Variants in MFAP3L observed in about 807,000 individuals in gnomAD.
MFAP3L encodes microfibrillar-associated protein 3-like.
Under a neutral mutation model 20.0 loss-of-function variants are expected in MFAP3L, and 5 were observed. That is an observed-to-expected ratio of 0.25 (90% CI 0.13 to 0.53). MFAP3L has a LOEUF of 0.53. Ranked by LOEUF, MFAP3L falls within the 20% of genes least tolerant of loss-of-function variation. The pLI is 0.96. For missense variants in MFAP3L, 409 were observed against 527.5 expected (o/e 0.78, Z 2.20); for synonymous variants, 219 against 213.0 (o/e 1.03, Z -0.25).
At chr4:169,998,519 A>ACCTTAAATCTTT (rs1178306289) in intron 2 of MFAP3L, among the ~76,000 whole-genome samples, 3 of 152,310 alleles carry the variant, frequency 2.0e-5, no homozygotes, top group African/African-American at 7.2e-5. Flanking sequence ...TTCTACTGAA[A>ACCTTAAATCTTT]CCTTAAATCT....
chr4:170,014,481 G>A (rs546027076), intron 1 of MFAP3L, among the ~76,000 whole-genome samples: 22 of 152,272 alleles, frequency 1.4e-4, no homozygotes, highest in African/African-American at 4.8e-4. Context: ...AAGATGCCAT[G>A]TATCAGGGAG....
Position 170,012,696 on chromosome 4 carries a change from A to G in MFAP3L, c.-133-6686T>C, listed in dbSNP as rs139912864. On this transcript the variant is annotated intron_variant, in intron 1 of 2. Coordinates refer to ENST00000361618, the MANE Select transcript of MFAP3L (RefSeq NM_021647.8). ...GAAGAATTAGAGCCTGTCTTTTTAA[A>G]GTAGTTGGCCCTTAGGAGGAAAGTG... Among the ~76,000 whole-genome samples, 333 of 152,364 alleles carry G rather than the reference A, an allele frequency of 2.2e-3. 1 individual carries two copies. Among genetic ancestry groups the G allele is most frequent in the African/African-American group, 7.8e-3 (323 of 41,592 alleles).
intron 1 of MFAP3L, among the ~76,000 whole-genome samples, chr4:170,017,732 C>T (rs576118521): frequency 1.3e-5 from 2 of 152,292 alleles, no homozygotes; most frequent in East Asian, 3.9e-4. Flanking sequence ...CAGTCTTCCA[C>T]CTAAGTGTTT....
At chr4:170,021,111 C>T (rs1740008742) in intron 1 of MFAP3L, among the ~76,000 whole-genome samples, 1 of 152,076 alleles carries the variant, frequency 6.6e-6, no homozygotes, top group African/African-American at 2.4e-5. Flanking sequence ...AGAGTACAAG[C>T]TCTCGGAGAA....
chr4:170,001,640 A>C (rs535739225), intron 2 of MFAP3L, among the ~76,000 whole-genome samples: 1 of 152,304 alleles, frequency 6.6e-6, no homozygotes, highest in East Asian at 1.9e-4. Context: ...TGCCTGAAAT[A>C]GTTAGGACTT....
rs1737361106 is a variant in MFAP3L at position 169,987,558 on chromosome 4, A to G, written c.*3820T>C. The stretch of plus-strand genomic sequence containing the variant: ...GAGTTTTAGCACTGATCAACACTGT[A>G]TTTCCTAGGGCAGAATAAAAGGTAT... On this transcript the variant is annotated 3_prime_UTR_variant, in exon 3 of 3. Coordinates refer to ENST00000361618, the MANE Select transcript of MFAP3L (RefSeq NM_021647.8). The G allele has an allele frequency of 1.3e-5, 2 of 152,190 alleles. No homozygotes were observed. 9.4% of individuals were successfully genotyped at this position (152,190 alleles called of 1,614,324 possible).
At chr4:170,026,403 G>C, upstream of MFAP3L, 1 of 542,348 alleles carries the variant, frequency 1.8e-6, no homozygotes, top group Non-Finnish European at 2.3e-6. Flanking sequence ...GCTGCCGGGA[G>C]CGCGGAGCTT....
At position 169,992,120 on chromosome 4, in the gene MFAP3L, ATGG is replaced by A; in HGVS notation, c.485_487del (p.Thr162del). ...GCGGGTGATATTGAGGACCATGACG[ATGG>A]TGAAGGCCACCAGGCACACGACCAT... On this transcript the variant is annotated inframe_deletion, in exon 3 of 3. Transcript: ENST00000361618. The surrounding 1 kb of genome is among the most constrained non-coding windows in gnomAD (Gnocchi z 4.3). The A allele has an allele frequency of 6.2e-7, 1 of 1,614,134 alleles. No individual in the cohort carries two copies. The highest frequency in any genetic ancestry group is 8.5e-7 in the Non-Finnish European group (1 of 1,180,018).
chr4:170,003,061 G>C (rs1309634429), intron 2 of MFAP3L, among the ~76,000 whole-genome samples: 1 of 152,128 alleles, frequency 6.6e-6, no homozygotes, highest in African/African-American at 2.4e-5. Context: ...TGTTTTCTGT[G>C]TATTGCTTGG....
chr4:170,021,234 A>G (rs1035580251), intron 1 of MFAP3L, among the ~76,000 whole-genome samples: 3 of 152,196 alleles, frequency 2.0e-5, no homozygotes, highest in African/African-American at 4.8e-5. Context: ...AATTAATTAC[A>G]TGGGAGTTGT....
intron 2 of MFAP3L, among the ~76,000 whole-genome samples, chr4:169,995,977 T>C (rs79205182): frequency 0.013 from 1,914 of 151,924 alleles, 44 homozygotes; most frequent in African/African-American, 0.044. Flanking sequence ...GTTACACACT[T>C]CCTGTCCCTT....
chr4:170,008,672 C>T (rs1317945689), intron 1 of MFAP3L, among the ~76,000 whole-genome samples: 2 of 152,156 alleles, frequency 1.3e-5, no homozygotes, highest in African/African-American at 4.8e-5. Context: ...AGCATCCAGG[C>T]CCTCTTCTGC....
In MFAP3L at chr4:170,005,894, G is replaced by C; in HGVS notation, c.-17C>G. On this transcript the variant is annotated 5_prime_UTR_variant, in exon 2 of 3. Transcript: ENST00000361618. ...TCGATCCATCTTCTTTGCTTGCTCTGTAAGGCAATAGAGAGATGGTTTGCC... is the reference window on the plus strand; with the variant it reads ...TCGATCCATCTTCTTTGCTTGCTCTCTAAGGCAATAGAGAGATGGTTTGCC... The C allele has an allele frequency of 1.2e-6, 2 of 1,610,138 alleles. No individual in the cohort carries two copies. Among genetic ancestry groups the C allele is most frequent in the East Asian group, 2.2e-5 (1 of 44,766 alleles).
rs546692110 is a variant in MFAP3L at position 170,011,948 on chromosome 4, T to C, written c.-133-5938A>G. Among the ~76,000 whole-genome samples the C allele has an allele frequency of 7.9e-5, 12 of 152,258 alleles. No homozygotes were observed. In the East Asian group the frequency reaches 1.9e-3, roughly 25 times the overall value. ...CGATTACAGAGAACCTGGGGAAATG[T>C]CTGTAATTAGGCACTGATGGCCAGG... On this transcript the variant is annotated intron_variant, in intron 1 of 2. Transcript: ENST00000361618.
At chr4:170,011,162 T>C (rs2111030413) in intron 1 of MFAP3L, among the ~76,000 whole-genome samples, 1 of 152,322 alleles carries the variant, frequency 6.6e-6, no homozygotes, top group African/African-American at 2.4e-5. Flanking sequence ...TCCCCAGCCA[T>C]GTGGAACTGT....
At chr4:169,994,482 A>G (rs1737986883) in intron 2 of MFAP3L, 1 of 978,930 alleles carries the variant, frequency 1.0e-6, no homozygotes, top group African/African-American at 1.8e-5. Flanking sequence ...GAAAAATAAA[A>G]TGTGAAAATA....
intron 1 of MFAP3L, among the ~76,000 whole-genome samples, chr4:170,016,519 C>T (rs1015545632): frequency 5.9e-5 from 9 of 152,214 alleles, no homozygotes; most frequent in South Asian, 2.1e-4. Flanking sequence ...CTACCTACCT[C>T]GACCCTGCCT....
intron 2 of MFAP3L, among the ~76,000 whole-genome samples, chr4:170,001,379 C>G (rs932596015): frequency 7.2e-5 from 11 of 152,296 alleles, no homozygotes; most frequent in African/African-American, 2.4e-4. Flanking sequence ...ATTGTAGACT[C>G]AGTGCTTAAT....
chr4:169,993,274 G>A (rs979903573), intron 2 of MFAP3L, among the ~76,000 whole-genome samples: 1 of 152,102 alleles, frequency 6.6e-6, no homozygotes, highest in African/African-American at 2.4e-5. Context: ...CTACCTCCCT[G>A]GACTGTCCCA....
Sources: allele counts gnomAD v4.1 joint callset (sites outside exome capture counted in the v4.1 genomes callset), GRCh38; gene constraint gnomAD v4.1.1; non-coding constraint Gnocchi (gnomAD v3.1); transcripts MANE v1.5; gene names NCBI Gene and HGNC (gene_info 2026-07-23, HGNC 2026-07-21).